The following RNF39 variants were observed in gnomAD, a reference collection of about 807,000 sequenced individuals.
RNF39 encodes the protein ring finger protein 39, also known as LTP (long-term potentiation) induced RING finger protein.
A neutral mutation model predicts 29.2 loss-of-function variants in RNF39; 25 were observed. That is an observed-to-expected ratio of 0.86 (90% CI 0.62 to 1.20). RNF39 has a LOEUF of 1.20. Ranked by LOEUF, RNF39 falls within the 50% of genes most tolerant of loss-of-function variation. The probability of loss-of-function intolerance (pLI) is 0.00; values close to 1 mark genes in which losing one functional copy is unlikely to be tolerated. For synonymous variants in RNF39, 219 were observed against 229.0 expected (o/e 0.96, Z 0.40); for missense variants, 519 against 515.0 (o/e 1.01, Z -0.08).
Position 30,070,767 on chromosome 6 carries a change from C to G in RNF39, c.*344G>C, listed in dbSNP as rs980505888. The G allele has an allele frequency of 1.8e-6, 1 of 548,194 alleles. No homozygotes were observed. The allele number at this position is 548,194 out of a possible 1,614,324, so 34.0% of individuals were successfully genotyped here. On this transcript the variant is annotated 3_prime_UTR_variant, in exon 4 of 4. Coordinates refer to ENST00000244360, the MANE Select transcript of RNF39 (RefSeq NM_025236.4). ...GTCAAGTATTTGACCAGCAGAGCCT[C>G]TATGTAGGAATCATGGTCACTTTAC...
rs898769156 is a variant in RNF39 at position 30,075,352 on chromosome 6, A to G, written c.234T>C (p.Asn78=). 6.3e-6 allele frequency: 10 copies of G among 1,591,378 alleles called. No individual in the cohort carries two copies. The African/African-American group carries it at 8.1e-5, about 13-fold the overall frequency. ...LPCPRRSLRS[N]VRLAVEVRIS... is the part of the protein sequence containing the mutation. ...TTCGCACCTCCACCGCCAGCCGCAC[A>G]TTAGACCTCAGGCTGCGGCGGGGAC... Residue 78 remains asparagine (N), a synonymous_variant, in exon 1 of 4, where the codon AAT becomes AAC. Coordinates refer to ENST00000244360, the MANE Select transcript of RNF39 (RefSeq NM_025236.4).
rs1286580159 is a variant in RNF39, at chr6:30,071,107, A to C, written c.*4T>G. On this transcript the variant is annotated 3_prime_UTR_variant, in exon 4 of 4. Coordinates refer to ENST00000244360, the MANE Select transcript of RNF39 (RefSeq NM_025236.4). The surrounding 1 kb of genome is among the most constrained non-coding windows in gnomAD (Gnocchi z 5.0). The stretch of plus-strand genomic sequence containing the variant: ...CGGGCCAAACTTCTAGTTGGAGACG[A>C]GACTCAGCTTTCCGCTGGTACAATG... The C allele has an allele frequency of 7.1e-6, 11 of 1,555,522 alleles. No homozygotes were observed. The highest frequency in any genetic ancestry group is 9.6e-6 in the Non-Finnish European group (11 of 1,149,874).
At position 30,075,257 on chromosome 6, in the gene RNF39, A is replaced by G; in HGVS notation, c.329T>C (p.Ile110Thr). 1 of 1,598,746 alleles carries G rather than the reference A, an allele frequency of 6.3e-7. No homozygotes were observed. Residue 110 changes from isoleucine (I) to threonine (T), a missense_variant, in exon 1 of 4, where the codon ATC becomes ACC. Transcript: ENST00000244360. ...CAGGTCCAGGCAGCCCATGGTGGGG[A>G]TGCGCCCCCCTCGGCGTCTCCCCGC... Reference protein sequence around the residue: ...ARAGRRRGGRIPTMGCLDLPG... With the variant: ...ARAGRRRGGRTPTMGCLDLPG...
In RNF39 at chr6:30,071,183, C is replaced by T; in HGVS notation, c.987G>A (p.Gly329=). The change falls in exon 4 of 4, where the codon GGG becomes GGA. Residue 329 remains glycine, a synonymous_variant. Coordinates refer to ENST00000244360, the MANE Select transcript of RNF39 (RefSeq NM_025236.4). This position sits in a 1 kb window ranked among gnomAD's most constrained non-coding sequence, Gnocchi z 5.0. ...LYAFQAPGPL[G]ERIFPLFCTC... is the part of the protein sequence containing the mutation. ...TGCAGAACAGCGGGAAGATGCGCTC[C>T]CCCAGGGGGCCAGGCGCCTGGAAGG... The T allele has an allele frequency of 6.6e-7, 1 of 1,521,398 alleles. No individual in the cohort carries two copies. The highest frequency in any genetic ancestry group is 1.3e-5 in the South Asian group (1 of 74,712). The allele number at this position is 1,521,398 out of a possible 1,614,324, so 94.2% of individuals were successfully genotyped here.
chr6:30,075,360 T>A lies in RNF39; in HGVS notation c.226A>T (p.Arg76Trp). 1 of 1,588,720 alleles carries A rather than the reference T, an allele frequency of 6.3e-7. No homozygotes were observed. The highest frequency in any genetic ancestry group is 8.5e-7 in the Non-Finnish European group (1 of 1,170,068). Residue 76 changes from arginine to tryptophan, a missense_variant, in exon 1 of 4, where the codon AGG becomes TGG. Transcript: ENST00000244360. ...CGLPCPRRSL[R>W]SNVRLAVEVR... ...TCCACCGCCAGCCGCACATTAGACC[T>A]CAGGCTGCGGCGGGGACACGGCAGG...
rs2127314912 is a variant in RNF39, at chr6:30,071,196, G to A, written c.974C>T (p.Pro325Leu). The A allele has an allele frequency of 1.3e-6, 2 of 1,519,218 alleles. No individual in the cohort carries two copies. Among genetic ancestry groups the A allele is most frequent in the East Asian group, 4.6e-5 (2 of 43,812 alleles). 94.1% of individuals were successfully genotyped at this position (1,519,218 alleles called of 1,614,324 possible). A position where few individuals can be genotyped will look rare whatever the true frequency, so the allele number is the denominator to read the frequency against. Reference protein sequence around the residue: ...SLDLLYAFQAPGPLGERIFPL... With the variant: ...SLDLLYAFQALGPLGERIFPL... The stretch of plus-strand genomic sequence containing the variant: ...GAAGATGCGCTCCCCCAGGGGGCCA[G>A]GCGCCTGGAAGGCGTAAAGCAGGTC... The change falls in exon 4 of 4, where the codon CCT becomes CTT. Residue 325 changes from proline (P) to leucine (L), a missense_variant. Pro to Leu is a moderately conservative substitution (Grantham distance 98). Coordinates refer to ENST00000244360, the MANE Select transcript of RNF39 (RefSeq NM_025236.4). This position sits in a 1 kb window ranked among gnomAD's most constrained non-coding sequence, Gnocchi z 5.0.
chr6:30,071,392 G>C lies in RNF39; in HGVS notation c.778C>G (p.Leu260Val). ...ESVQRKGCVRLCPAGAVWAVE... is the reference protein window; with the variant it reads ...ESVQRKGCVRVCPAGAVWAVE... ...GCCCACACGGCCCCCGCAGGGCACA[G>C]CCTTACGCAGCCCTTGCGTTGCACT... Residue 260 changes from leucine (L) to valine (V), a missense_variant, in exon 4 of 4, where the codon CTG (leucine) becomes GTG (valine). Physicochemically the swap from Leu to Val is conservative, Grantham distance 32. Transcript: ENST00000244360. The surrounding 1 kb of genome is among the most constrained non-coding windows in gnomAD (Gnocchi z 5.0). 6 of 1,484,708 alleles carry C rather than the reference G, an allele frequency of 4.0e-6. No homozygotes were observed. The highest frequency in any genetic ancestry group is 5.3e-6 in the Non-Finnish European group (6 of 1,126,932). The allele number at this position is 1,484,708 out of a possible 1,614,324, so 92.0% of individuals were successfully genotyped here. A position where few individuals can be genotyped will look rare whatever the true frequency, so the allele number is the denominator to read the frequency against.
rs374504156 is a variant in RNF39, at chr6:30,073,192, T to A, written c.443A>T (p.Tyr148Phe). Residue 148 changes from tyrosine to phenylalanine, a missense_variant, in exon 3 of 4, where the codon TAT (tyrosine) becomes TTT (phenylalanine). Physicochemically the swap from Tyr to Phe is conservative, Grantham distance 22. Transcript: ENST00000244360. ...ATGAAGCATTTTTTTGACCACTGGA[T>A]AATCTTCAGGGAGATCATCCTCTGA... The part of the protein sequence containing the change: ...SNSEDDLPED[Y>F]PVVKKMLHRL... The A allele has an allele frequency of 2.8e-4, 457 of 1,612,342 alleles. 38 individuals carry two copies. Among genetic ancestry groups the A allele is most frequent in the East Asian group, 2.0e-3 (91 of 44,886 alleles).
Position 30,071,450 on chromosome 6 carries a change from C to G in RNF39, c.720G>C (p.Glu240Asp), listed in dbSNP as rs1765962158. The G allele has an allele frequency of 6.4e-7, 1 of 1,555,588 alleles. No homozygotes were observed. Among genetic ancestry groups the G allele is most frequent in the Non-Finnish European group, 8.6e-7 (1 of 1,158,636 alleles). ...DSSGEDADDEESHYAVGAAGE... is the reference protein window; with the variant it reads ...DSSGEDADDEDSHYAVGAAGE... ...CGGCCGCGCCCACTGCATAGTGGCTCTCCTCGTCGTCCGCATCCTCCCCAG... is the reference window on the plus strand; with the variant it reads ...CGGCCGCGCCCACTGCATAGTGGCTGTCCTCGTCGTCCGCATCCTCCCCAG... The change falls in exon 4 of 4, where the codon GAG becomes GAC. Residue 240 changes from glutamate (E) to aspartate (D), a missense_variant. Physicochemically the swap from Glu to Asp is conservative, Grantham distance 45. Coordinates refer to ENST00000244360, the MANE Select transcript of RNF39 (RefSeq NM_025236.4). This position sits in a 1 kb window ranked among gnomAD's most constrained non-coding sequence, Gnocchi z 5.0.
Position 30,071,601 on chromosome 6 carries a change from G to C in RNF39, c.569C>G (p.Pro190Arg). The C allele has an allele frequency of 2.0e-6, 3 of 1,465,750 alleles. No individual in the cohort carries two copies. Among genetic ancestry groups the C allele is most frequent in the Non-Finnish European group, 2.7e-6 (3 of 1,115,536 alleles). The allele number at this position is 1,465,750 out of a possible 1,614,324, so 90.8% of individuals were successfully genotyped here. The change falls in exon 4 of 4, where the codon CCC (proline) becomes CGC (arginine). Residue 190 changes from proline to arginine, a missense_variant. By Grantham distance (103) the Pro-to-Arg change is moderately radical (BLOSUM62 -2). Coordinates refer to ENST00000244360, the MANE Select transcript of RNF39 (RefSeq NM_025236.4). The surrounding 1 kb of genome is among the most constrained non-coding windows in gnomAD (Gnocchi z 5.0). ...GCGCTTGGGGCCGTCAGGGGGCGCG[G>C]GCGTCCCTGGTGGGGCCAGTTGTAC... is the stretch of plus-strand genomic sequence containing the variant. Reference protein sequence around the residue: ...RSVQLAPPGTPAPPDGPKRFD... With the variant: ...RSVQLAPPGTRAPPDGPKRFD...
chr6:30,071,346 C>A lies in RNF39; in HGVS notation c.824G>T (p.Arg275Leu). 1 of 1,456,700 alleles carries A rather than the reference C, an allele frequency of 6.9e-7. No homozygotes were observed. Among genetic ancestry groups the A allele is most frequent in the Non-Finnish European group, 9.0e-7 (1 of 1,112,120 alleles). The allele number at this position is 1,456,700 out of a possible 1,614,324, so 90.2% of individuals were successfully genotyped here. A position where few individuals can be genotyped will look rare whatever the true frequency, so the allele number is the denominator to read the frequency against. ...AVWAVEGRGG[R>L]LWALTAPEPT... ...TTCGGGTGCCGTGAGGGCCCACAGG[C>A]GGCCGCCGCGGCCCTCCACGGCCCA... Residue 275 changes from arginine (R) to leucine (L), a missense_variant, in exon 4 of 4, where the codon CGC becomes CTC. Coordinates refer to ENST00000244360, the MANE Select transcript of RNF39 (RefSeq NM_025236.4). The surrounding 1 kb of genome is among the most constrained non-coding windows in gnomAD (Gnocchi z 5.0).
chr6:30,073,372 T>C (rs1766149870), intron 2 of RNF39, 84 bp downstream of exon 2: 16 of 1,591,308 alleles, frequency 1.0e-5, no homozygotes, highest in Non-Finnish European at 1.4e-5. Flanking sequence ...TGCCTATTAA[T>C]GGGAACAAAG....
In RNF39 at chr6:30,071,955, C is replaced by T. The variant is rs1766025503; in HGVS notation, c.479-264G>A. On this transcript the variant is annotated intron_variant, in intron 3 of 3. Coordinates refer to ENST00000244360, the MANE Select transcript of RNF39 (RefSeq NM_025236.4). The surrounding 1 kb of genome is among the most constrained non-coding windows in gnomAD (Gnocchi z 5.0). ...TACTGGCCCAGTGCAGGGAGCACAGCAGGAAGATCAAATGAGAGGTTGTCT... is the reference window on the plus strand; with the variant it reads ...TACTGGCCCAGTGCAGGGAGCACAGTAGGAAGATCAAATGAGAGGTTGTCT... Among the ~76,000 whole-genome samples the T allele has an allele frequency of 6.6e-6, 1 of 152,024 alleles. No individual in the cohort carries two copies. The highest frequency in any genetic ancestry group is 2.4e-5 in the African/African-American group (1 of 41,378).
rs751277893 is a variant in RNF39 at position 30,071,187 on chromosome 6, AG to A, written c.982del (p.Leu328TrpfsTer74). On this transcript the variant is annotated frameshift_variant, in exon 4 of 4. Transcript: ENST00000244360. LOFTEE classifies it high-confidence loss of function. This position sits in a 1 kb window ranked among gnomAD's most constrained non-coding sequence, Gnocchi z 5.0. ...GAACAGCGGGAAGATGCGCTCCCCCAGGGGGCCAGGCGCCTGGAAGGCGTAA... is the reference window on the plus strand; with the variant it reads ...GAACAGCGGGAAGATGCGCTCCCCCAGGGGCCAGGCGCCTGGAAGGCGTAA... Reference protein sequence around the residue: ...LLYAFQAPGPLGERIFPLFCT... With the variant: ...LLYAFQAPGPXGERIFPLFCT... The A allele has an allele frequency of 4.6e-6, 7 of 1,521,652 alleles. No individual in the cohort carries two copies. The highest frequency in any genetic ancestry group is 1.3e-5 in the South Asian group (1 of 74,710). The allele number at this position is 1,521,652 out of a possible 1,614,324, so 94.3% of individuals were successfully genotyped here.
Position 30,075,260 on chromosome 6 carries a change from C to T in RNF39, c.326G>A (p.Arg109His), listed in dbSNP as rs201745062. The change falls in exon 1 of 4, where the codon CGC becomes CAC. Residue 109 changes from arginine (R) to histidine (H), a missense_variant. Physicochemically the swap from Arg to His is conservative, Grantham distance 29 (BLOSUM62 0). Coordinates refer to ENST00000244360, the MANE Select transcript of RNF39 (RefSeq NM_025236.4). ...GARAGRRRGG[R>H]IPTMGCLDLP... ...GTCCAGGCAGCCCATGGTGGGGATG[C>T]GCCCCCCTCGGCGTCTCCCCGCACG... 3 of 1,597,292 alleles carry T rather than the reference C, an allele frequency of 1.9e-6. No homozygotes were observed. Among genetic ancestry groups the T allele is most frequent in the Admixed American group, 1.7e-5 (1 of 59,210 alleles).
chr6:30,072,404 AC>A lies in RNF39; in HGVS notation c.479-714del, dbSNP rs1766062382. The stretch of plus-strand genomic sequence containing the variant: ...AGATGGTGGATGACCAAGATGGTGG[AC>A]CACCTTCTCTAGGCAGTTTAAAGAA... On this transcript the variant is annotated intron_variant, in intron 3 of 3. Coordinates refer to ENST00000244360, the MANE Select transcript of RNF39 (RefSeq NM_025236.4). The surrounding 1 kb of genome is among the most constrained non-coding windows in gnomAD (Gnocchi z 4.5). Among the ~76,000 whole-genome samples the A allele has an allele frequency of 6.6e-6, 1 of 152,026 alleles. No individual in the cohort carries two copies. Among genetic ancestry groups the A allele is most frequent in the Non-Finnish European group, 1.5e-5 (1 of 68,004 alleles).
rs1449986731 is a variant in RNF39, at chr6:30,074,176, C to T, written c.364-698G>A. On this transcript the variant is annotated intron_variant, in intron 1 of 3. Transcript: ENST00000244360. The surrounding 1 kb of genome is among the most constrained non-coding windows in gnomAD (Gnocchi z 4.1). ...TCCAAACACTGGGATACCGACCCCT[C>T]CACTTCACTGTCTAGTGCTGATGGC... Among the ~76,000 whole-genome samples the T allele has an allele frequency of 6.6e-6, 1 of 152,216 alleles. No individual in the cohort carries two copies. The highest frequency in any genetic ancestry group is 1.5e-5 in the Non-Finnish European group (1 of 68,044).
Position 30,071,531 on chromosome 6 carries a change from G to A in RNF39, c.639C>T (p.Ala213=), listed in dbSNP as rs752037993. The part of the protein sequence containing the change: ...PAVLGAQGFG[A]GRHCWEVETA... ...TCTCCACCTCCCAGCAGTGGCGGCC[G>A]GCCCCGAAGCCCTGCGCACCCAGCA... Residue 213 remains alanine (A), a synonymous_variant, in exon 4 of 4, where the codon GCC becomes GCT. Coordinates refer to ENST00000244360, the MANE Select transcript of RNF39 (RefSeq NM_025236.4). This position sits in a 1 kb window ranked among gnomAD's most constrained non-coding sequence, Gnocchi z 5.0. 2.0e-6 allele frequency: 3 copies of A among 1,527,772 alleles called. No homozygotes were observed. The highest frequency in any genetic ancestry group is 1.8e-6 in the Non-Finnish European group (2 of 1,141,558). 94.6% of individuals were successfully genotyped at this position (1,527,772 alleles called of 1,614,324 possible).
chr6:30,072,546 G>C lies in RNF39; in HGVS notation c.478+611C>G, dbSNP rs114923177. The stretch of plus-strand genomic sequence containing the variant: ...TGGTGGAAGCAGAGATTTTTGAGAG[G>C]CACCTAACCTTCAGGGATCTGTTGT... On this transcript the variant is annotated intron_variant, in intron 3 of 3. Transcript: ENST00000244360. The surrounding 1 kb of genome is among the most constrained non-coding windows in gnomAD (Gnocchi z 4.5). Among the ~76,000 whole-genome samples, 24 of 152,172 alleles carry C rather than the reference G, an allele frequency of 1.6e-4. No homozygotes were observed. Among genetic ancestry groups the C allele is most frequent in the East Asian group, 3.9e-4 (2 of 5,178 alleles).
Sources: allele counts gnomAD v4.1 joint callset (sites outside exome capture counted in the v4.1 genomes callset), GRCh38; gene constraint gnomAD v4.1.1; non-coding constraint Gnocchi (gnomAD v3.1); transcripts MANE v1.5; gene names NCBI Gene and HGNC (gene_info 2026-07-23, HGNC 2026-07-21).